BACH2: variants seen among roughly 807,000 people sequenced by gnomAD.
BACH2 encodes transcription regulator protein BACH2.
In BACH2, 5 loss-of-function variants were observed where a neutral mutation model predicts 61.8. That is an observed-to-expected ratio of 0.08 (90% CI 0.04 to 0.17). The LOEUF (loss-of-function observed/expected upper bound fraction) is 0.17, where lower values mean the gene tolerates loss of function less well. Ranked by LOEUF, BACH2 falls within the 10% of genes least tolerant of loss-of-function variation. BACH2 has a pLI of 1.00. For synonymous variants in BACH2, 446 were observed against 440.1 expected (o/e 1.01, Z -0.17); for missense variants, 824 against 1,091.1 (o/e 0.76, Z 3.45).
intron 4 of BACH2, among the ~76,000 whole-genome samples, chr6:90,139,573 C>T (rs1018037952): frequency 2.0e-5 from 3 of 152,104 alleles, no homozygotes; most frequent in Non-Finnish European, 2.9e-5. Flanking sequence ...GTTCTTTATG[C>T]AATAATCTCC....
chr6:90,243,801 C>T (rs1770538023), intron 3 of BACH2, among the ~76,000 whole-genome samples: 1 of 152,228 alleles, frequency 6.6e-6, no homozygotes, highest in African/African-American at 2.4e-5. Flanking sequence ...TTCCCCATCT[C>T]ACCCCACCAT....
intron 5 of BACH2, among the ~76,000 whole-genome samples, chr6:90,048,217 T>C (rs1297808330): frequency 6.6e-6 from 1 of 152,162 alleles, no homozygotes; most frequent in East Asian, 1.9e-4. Context: ...CAGCCTTGAA[T>C]TCCTGGGCTC....
chr6:90,079,864 G>A (rs982542040), intron 5 of BACH2, among the ~76,000 whole-genome samples: 1 of 151,688 alleles, frequency 6.6e-6, no homozygotes, highest in Non-Finnish European at 1.5e-5. Context: ...AACAAGGGAT[G>A]CAAAGTGGCT....
intron 5 of BACH2, among the ~76,000 whole-genome samples, chr6:90,039,300 A>G (rs1779412723): frequency 6.6e-6 from 1 of 152,216 alleles, no homozygotes; most frequent in African/African-American, 2.4e-5. Flanking sequence ...TTACTGGATC[A>G]AAGGATATAA....
chr6:90,163,807 C>G (rs953938426), intron 4 of BACH2, among the ~76,000 whole-genome samples: 27 of 152,174 alleles, frequency 1.8e-4, no homozygotes, highest in African/African-American at 6.5e-4. Context: ...TGTGCTTCCA[C>G]GATCACAGTC....
intron 5 of BACH2, among the ~76,000 whole-genome samples, chr6:90,014,468 A>ATATATATATT (rs1222156456): frequency 3.1e-5 from 1 of 32,306 alleles, no homozygotes; most frequent in Admixed American, 6.0e-4. Context: ...ATATATATAT[A>ATATATATATT]TTTTTTTTTT....
chr6:90,005,973 G>A lies in BACH2; in HGVS notation c.243+2629C>T, dbSNP rs1187377951. Among the ~76,000 whole-genome samples, 5 of 152,186 alleles carry A rather than the reference G, an allele frequency of 3.3e-5. No individual in the cohort carries two copies. The East Asian group carries it at 9.7e-4, about 29-fold the overall frequency. On this transcript the variant is annotated intron_variant, in intron 6 of 8. Coordinates refer to ENST00000257749, the MANE Select transcript of BACH2 (RefSeq NM_021813.4). ...CACACAGCAAATTCTCACTTAAAAG[G>A]CCAAATAGATTTTTGTGCGATGTCT...
At chr6:90,233,576 G>T (rs1378589288) in intron 3 of BACH2, among the ~76,000 whole-genome samples, 1 of 152,122 alleles carries the variant, frequency 6.6e-6, no homozygotes, top group Non-Finnish European at 1.5e-5. Context: ...CTGACAATTG[G>T]GAATAATAAA....
intron 6 of BACH2, among the ~76,000 whole-genome samples, chr6:89,959,745 A>G (rs1261840455): frequency 6.6e-6 from 1 of 152,162 alleles, no homozygotes; most frequent in South Asian, 2.1e-4. Context: ...TTGTAAACTC[A>G]TATGTTGGTT....
At chr6:90,265,696 A>C (rs1400876903) in intron 2 of BACH2, among the ~76,000 whole-genome samples, 1 of 152,182 alleles carries the variant, frequency 6.6e-6, no homozygotes, top group Non-Finnish European at 1.5e-5. Flanking sequence ...AAGGTAAGGT[A>C]CCTTTCTATC....
chr6:89,951,425 C>T lies in BACH2; in HGVS notation c.681G>A (p.Gln227=), dbSNP rs778040836. Residue 227 remains glutamine, a synonymous_variant, in exon 7 of 9, where the codon CAG becomes CAA. Transcript: ENST00000257749. The surrounding 1 kb of genome is among the most constrained non-coding windows in gnomAD (Gnocchi z 6.4). ...GCTGGTATTTCTTGTATCTGGGGTACTGCGTTAACGCGTCCTTTTCTGAGC... is the reference window on the plus strand; with the variant it reads ...GCTGGTATTTCTTGTATCTGGGGTATTGCGTTAACGCGTCCTTTTCTGAGC... ...KESSEKDALT[Q]YPRYKKYQLA... 14 of 1,614,268 alleles carry T rather than the reference C, an allele frequency of 8.7e-6. No individual in the cohort carries two copies. The highest frequency in any genetic ancestry group is 1.7e-5 in the Admixed American group (1 of 60,032).
intron 4 of BACH2, among the ~76,000 whole-genome samples, chr6:90,130,277 C>T (rs751333252): frequency 1.1e-4 from 16 of 152,096 alleles, no homozygotes; most frequent in Non-Finnish European, 1.6e-4. Context: ...AGGAGGTCTC[C>T]TTGATCAGTA....
intron 1 of BACH2, among the ~76,000 whole-genome samples, chr6:90,292,543 CTGTTAAAAA>C (rs1202957766): frequency 6.6e-6 from 1 of 152,190 alleles, no homozygotes; most frequent in African/African-American, 2.4e-5. Flanking sequence ...GTCGAATTCT[CTGTTAAAAA>C]GGAAGCTGAT....
intron 4 of BACH2, among the ~76,000 whole-genome samples, chr6:90,121,821 CAT>C (rs1783639171): frequency 1.3e-5 from 2 of 152,198 alleles, no homozygotes; most frequent in African/African-American, 2.4e-5. Context: ...GCTGGGATTA[CAT>C]GTGTGAGCCA....
chr6:90,177,801 A>G (rs950050784), intron 4 of BACH2, among the ~76,000 whole-genome samples: 2 of 152,108 alleles, frequency 1.3e-5, no homozygotes, highest in Non-Finnish European at 2.9e-5. Flanking sequence ...AACAGATCCC[A>G]TGTCATATCC....
intron 6 of BACH2, among the ~76,000 whole-genome samples, chr6:89,975,813 G>A (rs9294455): frequency 0.013 from 1,943 of 152,298 alleles, 43 homozygotes; most frequent in African/African-American, 0.044. Flanking sequence ...TGGCAGAAAC[G>A]AAATACCATC....
At chr6:90,197,704 G>A (rs1306935145) in intron 4 of BACH2, among the ~76,000 whole-genome samples, 1 of 152,156 alleles carries the variant, frequency 6.6e-6, no homozygotes, top group Non-Finnish European at 1.5e-5. Context: ...ACATGATGAT[G>A]TAGGACAAGA....
chr6:90,211,040 A>G (rs973395968), intron 3 of BACH2, among the ~76,000 whole-genome samples: 2 of 148,266 alleles, frequency 1.3e-5, no homozygotes, highest in African/African-American at 5.0e-5. Flanking sequence ...CTGTAATCCC[A>G]GCTACTCAGG....
intron 6 of BACH2, among the ~76,000 whole-genome samples, chr6:89,969,383 C>A (rs117489040): frequency 6.6e-6 from 1 of 152,050 alleles, no homozygotes; most frequent in African/African-American, 2.4e-5. Flanking sequence ...GGTAAGAATT[C>A]CTGGAGGAAC....
Sources: allele counts gnomAD v4.1 joint callset (sites outside exome capture counted in the v4.1 genomes callset), GRCh38; gene constraint gnomAD v4.1.1; non-coding constraint Gnocchi (gnomAD v3.1); transcripts MANE v1.5; gene names NCBI Gene and HGNC (gene_info 2026-07-23, HGNC 2026-07-21).